The following TENM3 variants were observed in gnomAD, a reference collection of about 807,000 sequenced individuals.
TENM3 encodes the protein teneurin-3.
TENM3 carries 63 observed loss-of-function variants against 255.1 expected under a neutral mutation model. That is an observed-to-expected ratio of 0.25 (90% confidence interval 0.20 to 0.30). The LOEUF (loss-of-function observed/expected upper bound fraction) is 0.30, where lower values mean the gene tolerates loss of function less well. Ranked by LOEUF, TENM3 falls within the 10% of genes least tolerant of loss-of-function variation. The probability of loss-of-function intolerance (pLI) is 1.00; values close to 1 mark genes in which losing one functional copy is unlikely to be tolerated. For missense variants in TENM3, 2,929 were observed against 3,461.1 expected (o/e 0.85, Z 3.86); for synonymous variants, 1,306 against 1,322.3 (o/e 0.99, Z 0.27).
At chr4:182,424,875 TGAA>T (rs959345300) in intron 3 of TENM3, among the ~76,000 whole-genome samples, 2 of 152,176 alleles carry the variant, frequency 1.3e-5, no homozygotes, top group African/African-American at 4.8e-5. Flanking sequence ...GCTGGCATTA[TGAA>T]ATCTTAAAAT....
Position 182,463,085 on chromosome 4 carries a change from G to T in TENM3, c.511+116156G>T, listed in dbSNP as rs560329171. Among the ~76,000 whole-genome samples, 12 of 152,138 alleles carry T rather than the reference G, an allele frequency of 7.9e-5. No individual in the cohort carries two copies. The South Asian group carries it at 1.7e-3, about 21-fold the overall frequency. ...ATCCCATAATTTTGATCTGCGTTTGGTTGAAACAATCCTCGTGTACATGGT... is the reference window on the plus strand; with the variant it reads ...ATCCCATAATTTTGATCTGCGTTTGTTTGAAACAATCCTCGTGTACATGGT... On this transcript the variant is annotated intron_variant, in intron 3 of 27. Coordinates refer to ENST00000511685, the MANE Select transcript of TENM3 (RefSeq NM_001080477.4).
intron 22 of TENM3, among the ~76,000 whole-genome samples, chr4:182,762,855 T>A (rs939518932): frequency 1.3e-5 from 2 of 152,098 alleles, no homozygotes; most frequent in African/African-American, 4.8e-5. Context: ...AACTCCTCAC[T>A]TAGCTACACC....
chr4:182,477,535 C>T (rs962304328), intron 3 of TENM3, among the ~76,000 whole-genome samples: 1 of 152,124 alleles, frequency 6.6e-6, no homozygotes, highest in African/African-American at 2.4e-5. Context: ...ATAGGGCCCT[C>T]CCACCGGCCT....
At chr4:181,744,871 A>G in the TENM3 span, among the ~76,000 whole-genome samples, 2 of 152,238 alleles carry the variant, frequency 1.3e-5, no homozygotes, top group Non-Finnish European at 2.9e-5. Context: ...GAAGACTAGG[A>G]GAACAAGTGG....
the TENM3 span, among the ~76,000 whole-genome samples, chr4:181,529,270 G>C: frequency 6.6e-6 from 1 of 152,216 alleles, no homozygotes; most frequent in South Asian, 2.1e-4. Context: ...ATGAGAAATG[G>C]TACAGACAAG....
the TENM3 span, among the ~76,000 whole-genome samples, chr4:181,743,546 C>T: frequency 7.2e-5 from 11 of 151,922 alleles, no homozygotes; most frequent in African/African-American, 1.2e-4. Context: ...GAAATCATTC[C>T]GGGAAGAAAG....
the TENM3 span, among the ~76,000 whole-genome samples, chr4:182,135,733 C>T: frequency 6.6e-6 from 1 of 152,180 alleles, no homozygotes; most frequent in Non-Finnish European, 1.5e-5. Flanking sequence ...CTTTCCTCTC[C>T]TGGCATTAAC....
At chr4:182,283,351 G>A (rs529865566) in intron 1 of TENM3, among the ~76,000 whole-genome samples, 3 of 152,108 alleles carry the variant, frequency 2.0e-5, no homozygotes, top group South Asian at 2.1e-4. Context: ...TTGCTTTTTC[G>A]CAATTATTTT....
At chr4:182,532,169 G>A in intron 3 of TENM3, among the ~76,000 whole-genome samples, 1 of 152,244 alleles carries the variant, frequency 6.6e-6, no homozygotes, top group East Asian at 1.9e-4. Context: ...TGTATGTATT[G>A]GGAGGCAGTC....
At chr4:181,501,697 G>A in the TENM3 span, among the ~76,000 whole-genome samples, 855 of 152,118 alleles carry the variant, frequency 5.6e-3, 7 homozygotes, top group Middle Eastern at 0.031. Context: ...TTTTTTCTAT[G>A]CACAGGACCA....
At chr4:182,295,502 C>G (rs938817081) in intron 1 of TENM3, among the ~76,000 whole-genome samples, 1 of 152,050 alleles carries the variant, frequency 6.6e-6, no homozygotes, top group African/African-American at 2.4e-5. Context: ...CTCCTGACCT[C>G]AGGTGATCTG....
intron 3 of TENM3, among the ~76,000 whole-genome samples, chr4:182,463,773 G>A (rs2871325): frequency 0.71 from 107,516 of 151,690 alleles, 40,033 homozygotes; most frequent in East Asian, 0.95. Flanking sequence ...ACAGGCATGC[G>A]CCACCATGCC....
chr4:181,667,110 T>C, the TENM3 span, among the ~76,000 whole-genome samples: 4 of 152,164 alleles, frequency 2.6e-5, no homozygotes, highest in African/African-American at 9.7e-5. Flanking sequence ...GGATCAAAAC[T>C]TTTAATTTTG....
chr4:181,751,689 T>G, the TENM3 span, among the ~76,000 whole-genome samples: 2 of 152,128 alleles, frequency 1.3e-5, no homozygotes, highest in Non-Finnish European at 2.9e-5. Context: ...CAACAGTCAT[T>G]GCTACAGAAA....
At chr4:181,648,610 G>A in the TENM3 span, among the ~76,000 whole-genome samples, 16 of 152,256 alleles carry the variant, frequency 1.1e-4, no homozygotes, top group South Asian at 3.3e-3. Context: ...TGATTTACCA[G>A]GGATAGAGGT....
intron 3 of TENM3, among the ~76,000 whole-genome samples, chr4:182,397,147 A>C (rs142328228): frequency 6.6e-6 from 1 of 151,806 alleles, no homozygotes; most frequent in Non-Finnish European, 1.5e-5. Context: ...GGAAAAATCT[A>C]TAAGGATCTG....
the TENM3 span, among the ~76,000 whole-genome samples, chr4:182,066,680 G>A: frequency 6.6e-6 from 1 of 151,414 alleles, no homozygotes; most frequent in Non-Finnish European, 1.5e-5. Context: ...GGAGGCCAAG[G>A]CGGGCGGATC....
the TENM3 span, among the ~76,000 whole-genome samples, chr4:181,697,074 C>A: frequency 6.6e-6 from 1 of 152,206 alleles, no homozygotes; most frequent in Admixed American, 6.5e-5. Flanking sequence ...ATTAGGGACC[C>A]TTGATGACCA....
At chr4:181,945,247 C>T in the TENM3 span, among the ~76,000 whole-genome samples, 1 of 151,862 alleles carries the variant, frequency 6.6e-6, no homozygotes, top group South Asian at 2.1e-4. Context: ...TAGCTAACCC[C>T]AAGAGGCAGT....
Sources: allele counts gnomAD v4.1 joint callset (sites outside exome capture counted in the v4.1 genomes callset), GRCh38; gene constraint gnomAD v4.1.1; transcripts MANE v1.5; gene names NCBI Gene and HGNC (gene_info 2026-07-23, HGNC 2026-07-21).